The following SH3BGRL2 variants were observed in gnomAD, a reference collection of about 807,000 sequenced individuals.
SH3BGRL2 encodes SH3 domain binding glutamate rich protein like 2, also known as SH3 domain-binding glutamic acid-rich-like protein 2.
In SH3BGRL2, 21 loss-of-function variants were observed where a neutral mutation model predicts 14.8. The observed-to-expected ratio is 1.42, with a 90% confidence interval of 1.01 to 2.05. The LOEUF is 2.05. SH3BGRL2 is among the 30% of genes most tolerant of loss of function. The pLI is 0.00. For synonymous variants in SH3BGRL2, 50 were observed against 47.8 expected, an observed-to-expected ratio of 1.05 and a Z score of -0.19; for missense variants, 147 against 130.8, an observed-to-expected ratio of 1.12 and a Z score of -0.61.
intron 1 of SH3BGRL2, among the ~76,000 whole-genome samples, chr6:79,643,730 T>C (rs193249458): frequency 1.2e-4 from 19 of 152,274 alleles, no homozygotes; most frequent in African/African-American, 4.3e-4. Flanking sequence ...TGCCTTGTCA[T>C]AGAACCCAAA....
Position 79,699,493 on chromosome 6 carries a change from T to TTA in SH3BGRL2, c.313-5_313-4insTA, listed in dbSNP as rs764097608. 1.4e-6 allele frequency: 2 copies of TTA among 1,407,360 alleles called. No individual in the cohort carries two copies. The highest frequency in any genetic ancestry group is 3.5e-5 in the African/African-American group (2 of 57,526). The allele number at this position is 1,407,360 out of a possible 1,614,324, so 87.2% of individuals were successfully genotyped here. A position where few individuals can be genotyped will look rare whatever the true frequency, so the allele number is the denominator to read the frequency against. On this transcript the variant is annotated splice_polypyrimidine_tract_variant and splice_region_variant and intron_variant, in intron 3 of 3. Transcript: ENST00000369838. ...TTTTTTTTTTTTTTTTTTTTTTTTT[T>TTA]ATAGGCAGAACCTTAGAGAAGAAGA...
the SH3BGRL2 span, among the ~76,000 whole-genome samples, chr6:79,615,382 T>G: frequency 6.6e-6 from 1 of 152,174 alleles, no homozygotes; most frequent in South Asian, 2.1e-4. Flanking sequence ...GTCACCACAG[T>G]GATTTCTGTG....
chr6:79,683,174 G>A (rs1057197643), intron 2 of SH3BGRL2, among the ~76,000 whole-genome samples: 5 of 152,010 alleles, frequency 3.3e-5, no homozygotes, highest in Non-Finnish European at 5.9e-5. Flanking sequence ...TTGTGCACAT[G>A]TACCCTAGAA....
At chr6:79,568,695 T>C in the SH3BGRL2 span, among the ~76,000 whole-genome samples, 1 of 152,152 alleles carries the variant, frequency 6.6e-6, no homozygotes, top group African/African-American at 2.4e-5. Context: ...CAAAAATATG[T>C]TAAGAGTCTT....
the SH3BGRL2 span, among the ~76,000 whole-genome samples, chr6:79,583,232 C>T: frequency 6.6e-6 from 1 of 152,170 alleles, no homozygotes; most frequent in Non-Finnish European, 1.5e-5. Context: ...GGTGATTCCT[C>T]AAGGATCTAG....
chr6:79,570,694 A>G, the SH3BGRL2 span, among the ~76,000 whole-genome samples: 17 of 152,320 alleles, frequency 1.1e-4, no homozygotes, highest in East Asian at 1.9e-4. Flanking sequence ...CCTGAAGGCA[A>G]TGTTCCAAGG....
At chr6:79,560,186 A>G in the SH3BGRL2 span, among the ~76,000 whole-genome samples, 4 of 152,230 alleles carry the variant, frequency 2.6e-5, no homozygotes, top group African/African-American at 9.6e-5. Context: ...TGACCTAAAC[A>G]AAGTGTAAAT....
chr6:79,654,078 T>C (rs566550580), intron 1 of SH3BGRL2, among the ~76,000 whole-genome samples: 6 of 152,336 alleles, frequency 3.9e-5, no homozygotes, highest in African/African-American at 1.4e-4. Context: ...TTGTGAACAC[T>C]TTTATAACTT....
In SH3BGRL2 at chr6:79,671,203, A is replaced by G. The variant is rs552007135; in HGVS notation, c.46-2411A>G. Among the ~76,000 whole-genome samples, 12 of 152,254 alleles carry G rather than the reference A, an allele frequency of 7.9e-5. No individual in the cohort carries two copies. The East Asian group carries it at 2.1e-3, about 27-fold the overall frequency. On this transcript the variant is annotated intron_variant, in intron 1 of 3. Transcript: ENST00000369838. The stretch of plus-strand genomic sequence containing the variant: ...TAGATGAGGTCAGGCACGGTGGCTC[A>G]CGCCTATAATCCCAGCACTTTGCGA...
the SH3BGRL2 span, among the ~76,000 whole-genome samples, chr6:79,598,797 C>A: frequency 6.6e-6 from 1 of 152,122 alleles, no homozygotes; most frequent in Non-Finnish European, 1.5e-5. Flanking sequence ...AAGTGCTCAA[C>A]CTCGGCTGGG....
chr6:79,687,431 A>G (rs1169608075), intron 2 of SH3BGRL2, among the ~76,000 whole-genome samples: 1 of 152,154 alleles, frequency 6.6e-6, no homozygotes, highest in Non-Finnish European at 1.5e-5. Context: ...TATGGTCAGA[A>G]CTATTAAACA....
At chr6:79,630,090 T>C (rs866847880), upstream of SH3BGRL2, among the ~76,000 whole-genome samples, 3 of 152,202 alleles carry the variant, frequency 2.0e-5, no homozygotes, top group Admixed American at 6.5e-5. Context: ...CTATTTAAAA[T>C]TTTAAACACG....
chr6:79,593,051 C>T, the SH3BGRL2 span, among the ~76,000 whole-genome samples: 1 of 152,234 alleles, frequency 6.6e-6, no homozygotes, highest in South Asian at 2.1e-4. Flanking sequence ...CTTATTCCAG[C>T]TCTTTGGGCA....
At chr6:79,694,540 G>C (rs182579125) in intron 2 of SH3BGRL2, among the ~76,000 whole-genome samples, 5 of 152,040 alleles carry the variant, frequency 3.3e-5, no homozygotes, top group Admixed American at 3.3e-4. Context: ...ACAAATTTTC[G>C]TACAAATTCC....
intron 2 of SH3BGRL2, among the ~76,000 whole-genome samples, 194 bp from the exon 3 acceptor site, chr6:79,696,291 G>C (rs1406871096): frequency 2.0e-5 from 3 of 152,144 alleles, no homozygotes; most frequent in African/African-American, 7.2e-5. Context: ...TTAAAAACTT[G>C]TTACATTCTT....
chr6:79,538,476 T>C, the SH3BGRL2 span, among the ~76,000 whole-genome samples: 1 of 152,214 alleles, frequency 6.6e-6, no homozygotes, highest in Non-Finnish European at 1.5e-5. Context: ...TAATTTTCTG[T>C]ATGCGAAATA....
At chr6:79,657,678 G>A (rs1769451672) in intron 1 of SH3BGRL2, among the ~76,000 whole-genome samples, 1 of 151,720 alleles carries the variant, frequency 6.6e-6, no homozygotes, top group Non-Finnish European at 1.5e-5. Context: ...GTGCAATGGT[G>A]TGATCTCGGC....
chr6:79,628,624 A>G (rs1191520833), upstream of SH3BGRL2, among the ~76,000 whole-genome samples: 1 of 152,100 alleles, frequency 6.6e-6, no homozygotes, highest in Non-Finnish European at 1.5e-5. Flanking sequence ...TTCTGCTCTC[A>G]GGTACTCTTC....
At chr6:79,624,574 C>A in the SH3BGRL2 span, among the ~76,000 whole-genome samples, 1 of 151,814 alleles carries the variant, frequency 6.6e-6, no homozygotes, top group Non-Finnish European at 1.5e-5. Flanking sequence ...GAATCCCCAG[C>A]ATCTAGTATA....
Sources: allele counts gnomAD v4.1 joint callset (sites outside exome capture counted in the v4.1 genomes callset), GRCh38; gene constraint gnomAD v4.1.1; transcripts MANE v1.5; gene names NCBI Gene and HGNC (gene_info 2026-07-23, HGNC 2026-07-21).